The following BCL9 variants were observed in gnomAD, a reference collection of about 807,000 sequenced individuals.
The protein encoded by BCL9 is BCL9 transcription coactivator.
A neutral mutation model predicts 88.5 loss-of-function variants in BCL9; 25 were observed. That is an observed-to-expected ratio of 0.28 (90% CI 0.21 to 0.39). The LOEUF (loss-of-function observed/expected upper bound fraction) is 0.39, where lower values mean the gene tolerates loss of function less well. Among genes scored for constraint, BCL9 ranks in the 10% least tolerant of loss-of-function variants. The pLI is 1.00. For synonymous variants in BCL9, 711 were observed against 673.3 expected, an observed-to-expected ratio of 1.06 and a Z score of -0.87; for missense variants, 1,817 against 1,877.8, an observed-to-expected ratio of 0.97 and a Z score of 0.60.
intron 8 of BCL9, among the ~76,000 whole-genome samples, chr1:147,621,880 G>C (rs956368507): frequency 9.2e-5 from 14 of 152,184 alleles, no homozygotes; most frequent in African/African-American, 3.4e-4. Flanking sequence ...CATATCACTA[G>C]TCTGGCTTCA....
chr1:147,585,904 G>C (rs1350688103), intron 1 of BCL9, among the ~76,000 whole-genome samples: 7 of 152,112 alleles, frequency 4.6e-5, no homozygotes, highest in Admixed American at 2.6e-4. Flanking sequence ...TGGGTTTATA[G>C]CTCAGAGCTC....
intron 1 of BCL9, among the ~76,000 whole-genome samples, chr1:147,582,018 C>A (rs1178558731): frequency 1.3e-5 from 2 of 152,090 alleles, no homozygotes; most frequent in African/African-American, 4.8e-5. Flanking sequence ...ACCCATAAAC[C>A]CAGCATCCAG....
rs587635030 is a variant in BCL9, at chr1:147,566,669, C to T, written c.-478+24995C>T. Among the ~76,000 whole-genome samples, 408 of 152,110 alleles carry T rather than the reference C, an allele frequency of 2.7e-3. 2 individuals carry two copies. The highest frequency in any genetic ancestry group is 7.4e-3 in the African/African-American group (305 of 41,490). On this transcript the variant is annotated intron_variant, in intron 1 of 9. Transcript: ENST00000234739. ...TAGACGGGAGGCCGAGGCAGGAGAA[C>T]TGCGTGAACCCGGGAGGCGGAGTTT...
At chr1:147,594,346 A>T (rs1656962261) in intron 1 of BCL9, among the ~76,000 whole-genome samples, 1 of 152,224 alleles carries the variant, frequency 6.6e-6, no homozygotes, top group South Asian at 2.1e-4. Context: ...AAGACAGAAG[A>T]TGTTGAGCCA....
chr1:147,548,679 GAATA>G (rs1654732166), intron 1 of BCL9, among the ~76,000 whole-genome samples: 1 of 152,074 alleles, frequency 6.6e-6, no homozygotes, highest in South Asian at 2.1e-4. Flanking sequence ...GTTGGTGAAT[GAATA>G]AACAGTTCAC....
At chr1:147,612,750 C>A in intron 4 of BCL9, 133 bp from the exon 5 acceptor site, 1 of 838,876 alleles carries the variant, frequency 1.2e-6, no homozygotes, top group Non-Finnish European at 1.8e-6. Context: ...AAGCAAATGG[C>A]TGAGGTGAAT....
chr1:147,570,653 TA>T lies in BCL9; in HGVS notation c.-478+28980del, dbSNP rs1235124466. On this transcript the variant is annotated intron_variant, in intron 1 of 9. Transcript: ENST00000234739. ...TTCTTTTTTTTCTTTTTTTTTTTTG[TA>T]GATGGAGTTTTGCTCTTGTTGCATA... Among the ~76,000 whole-genome samples, 10 of 51,242 alleles carry T rather than the reference TA, an allele frequency of 2.0e-4. No homozygotes were observed. In the South Asian group the frequency reaches 3.0e-3, roughly 15 times the overall value. The allele number at this position is 51,242 out of a possible 152,430, so 33.6% of individuals were successfully genotyped here.
chr1:147,543,341 T>C (rs1553193979), intron 1 of BCL9, among the ~76,000 whole-genome samples: 1 of 152,244 alleles, frequency 6.6e-6, no homozygotes, highest in Non-Finnish European at 1.5e-5. Flanking sequence ...CCTTCCATTC[T>C]AACTGCAAAT....
Position 147,621,074 on chromosome 1 carries a change from C to T in BCL9, c.2902+17C>T, listed in dbSNP as rs782768366. The T allele has an allele frequency of 1.9e-6, 3 of 1,601,102 alleles. No individual in the cohort carries two copies. Among genetic ancestry groups the T allele is most frequent in the Non-Finnish European group, 2.6e-6 (3 of 1,173,632 alleles). On this transcript the variant is annotated intron_variant, in intron 8 of 9. Transcript: ENST00000234739. Reference sequence around the variant, plus strand: ...TAGAGTCAGGTCAGTATGCTTGCATCCTCACAGTTGCACCTAGTAGCTGGA... The same window carrying T: ...TAGAGTCAGGTCAGTATGCTTGCATTCTCACAGTTGCACCTAGTAGCTGGA...
At chr1:147,621,158 G>T in intron 8 of BCL9, 101 bp downstream of exon 8, 2 of 1,291,772 alleles carry the variant, frequency 1.5e-6, no homozygotes, top group Non-Finnish European at 2.1e-6. Context: ...ACAGACAGAG[G>T]AGGCAGTCTT....
chr1:147,556,424 T>G (rs1422214154), intron 1 of BCL9, among the ~76,000 whole-genome samples: 1 of 150,202 alleles, frequency 6.7e-6, no homozygotes, highest in Non-Finnish European at 1.5e-5. Context: ...GCGCCCAGCC[T>G]CATTTATTTA....
At chr1:147,606,027 T>C (rs1657683642) in intron 2 of BCL9, among the ~76,000 whole-genome samples, 1 of 152,196 alleles carries the variant, frequency 6.6e-6, no homozygotes, top group Non-Finnish European at 1.5e-5. Context: ...TTCTAAAGAT[T>C]CCTAAATAAT....
intron 1 of BCL9, among the ~76,000 whole-genome samples, chr1:147,550,762 C>T (rs932093849): frequency 6.6e-6 from 1 of 152,194 alleles, no homozygotes; most frequent in Non-Finnish European, 1.5e-5. Context: ...AACAGTCTGT[C>T]CTGAACTGGT....
At chr1:147,584,622 T>A (rs1184859434) in intron 1 of BCL9, among the ~76,000 whole-genome samples, 1 of 152,244 alleles carries the variant, frequency 6.6e-6, no homozygotes, top group Non-Finnish European at 1.5e-5. Flanking sequence ...TCCACCTTAT[T>A]GTTCCTGATT....
At chr1:147,562,672 C>A (rs1235541404) in intron 1 of BCL9, among the ~76,000 whole-genome samples, 1 of 152,114 alleles carries the variant, frequency 6.6e-6, no homozygotes, top group Non-Finnish European at 1.5e-5. Context: ...TGAATGGAGG[C>A]AGGGAGAGAC....
intron 1 of BCL9, among the ~76,000 whole-genome samples, chr1:147,585,748 T>C (rs1215834941): frequency 6.6e-6 from 1 of 152,228 alleles, no homozygotes; most frequent in Non-Finnish European, 1.5e-5. Flanking sequence ...GCACACTTTG[T>C]TCTTGCTGAG....
intron 1 of BCL9, among the ~76,000 whole-genome samples, chr1:147,599,696 T>C (rs587755459): frequency 6.6e-6 from 1 of 151,948 alleles, no homozygotes; most frequent in South Asian, 2.1e-4. Flanking sequence ...CGGGTGACGG[T>C]CCGGGGCGGG....
chr1:147,624,648 C>G lies in BCL9; in HGVS notation c.3970C>G (p.Gln1324Glu). ...CATGAGACCACCAGCCTTTCTCCAA[C>G]AAGGCATGATGGGACCTCACCATCG... ...NPMRPPAFLQ[Q>E]GMMGPHHRMM... Residue 1324 changes from glutamine (Q) to glutamate (E), a missense_variant, in exon 10 of 10, where the codon CAA becomes GAA. Coordinates refer to ENST00000234739, the MANE Select transcript of BCL9 (RefSeq NM_004326.4). This position sits in a 1 kb window ranked among gnomAD's most constrained non-coding sequence, Gnocchi z 4.4. 4 of 1,614,220 alleles carry G rather than the reference C, an allele frequency of 2.5e-6. No homozygotes were observed. The highest frequency in any genetic ancestry group is 3.4e-6 in the Non-Finnish European group (4 of 1,180,038).
intron 7 of BCL9, 127 bp downstream of exon 7, chr1:147,616,029 C>G: frequency 1.1e-6 from 1 of 875,256 alleles, no homozygotes; most frequent in Non-Finnish European, 1.8e-6. Context: ...GGCATTTAAC[C>G]TAATTCTGGC....
Sources: gnomAD v4.1 joint callset for allele counts (sites outside exome capture counted in the v4.1 genomes callset) on GRCh38, gnomAD v4.1.1 for gene constraint, Gnocchi (gnomAD v3.1) non-coding constraint, MANE v1.5 for transcripts, NCBI Gene and HGNC (gene_info 2026-07-23, HGNC 2026-07-21) for gene names.